The following FMN1 variants were observed in gnomAD, a reference collection of about 807,000 sequenced individuals.
FMN1 encodes formin 1.
FMN1 carries 110 observed loss-of-function variants against 132.4 expected under a neutral mutation model. The observed-to-expected ratio is 0.83, with a 90% CI of 0.71 to 0.97. The LOEUF (loss-of-function observed/expected upper bound fraction) is 0.97, where lower values mean the gene tolerates loss of function less well. Ranked by LOEUF, FMN1 falls within the 50% of genes least tolerant of loss-of-function variation. FMN1 has a pLI of 0.00. For synonymous variants in FMN1, 722 were observed against 651.7 expected, an observed-to-expected ratio of 1.11 and a Z score of -1.64; for missense variants, 1,792 against 1,705.3, an observed-to-expected ratio of 1.05 and a Z score of -0.90.
At chr15:32,851,510 G>A (rs1246466995) in intron 17 of FMN1, among the ~76,000 whole-genome samples, 1 of 152,118 alleles carries the variant, frequency 6.6e-6, no homozygotes, top group Non-Finnish European at 1.5e-5. Flanking sequence ...GCCTGCACAA[G>A]GTTATTCTGA....
At chr15:33,009,920 C>T (rs543552592) in intron 6 of FMN1, among the ~76,000 whole-genome samples, 15 of 146,940 alleles carry the variant, frequency 1.0e-4, no homozygotes, top group African/African-American at 3.6e-4. Context: ...TGGAGTTTCA[C>T]TCGTTTCCCA....
intron 4 of FMN1, among the ~76,000 whole-genome samples, chr15:33,091,762 G>A (rs1238564501): frequency 6.6e-6 from 1 of 151,996 alleles, no homozygotes. Flanking sequence ...TTATTAAAAT[G>A]GGTAATACCC....
At chr15:32,782,901 G>C (rs886100516) in intron 19 of FMN1, among the ~76,000 whole-genome samples, 1 of 152,144 alleles carries the variant, frequency 6.6e-6, no homozygotes, top group Non-Finnish European at 1.5e-5. Context: ...AACTCAGAAA[G>C]AGAAAATCAA....
At chr15:33,008,943 T>A (rs567053415) in intron 6 of FMN1, among the ~76,000 whole-genome samples, 1 of 152,200 alleles carries the variant, frequency 6.6e-6, no homozygotes, top group Non-Finnish European at 1.5e-5. Flanking sequence ...TTTGACCTCA[T>A]TGAAATATGT....
chr15:33,163,053 T>A (rs1230099566), intron 3 of FMN1, among the ~76,000 whole-genome samples: 1 of 151,332 alleles, frequency 6.6e-6, no homozygotes, highest in Non-Finnish European at 1.5e-5. Flanking sequence ...ACCCGGGAGG[T>A]GGAGGTTGCA....
intron 4 of FMN1, among the ~76,000 whole-genome samples, chr15:33,119,171 G>A (rs1962315469): frequency 6.6e-6 from 1 of 152,206 alleles, no homozygotes; most frequent in South Asian, 2.1e-4. Flanking sequence ...GATCTAGTTA[G>A]ATTCATCTCT....
intron 7 of FMN1, among the ~76,000 whole-genome samples, chr15:33,002,228 G>A (rs1017934743): frequency 2.6e-5 from 4 of 152,118 alleles, no homozygotes; most frequent in Admixed American, 6.5e-5. Flanking sequence ...ATTCTAGAAA[G>A]GCATGTTGAA....
chr15:33,080,002 C>G (rs2038385780), intron 5 of FMN1, among the ~76,000 whole-genome samples: 2 of 152,180 alleles, frequency 1.3e-5, no homozygotes, highest in African/African-American at 4.8e-5. Flanking sequence ...TTTTCTCTTA[C>G]ACATACACAC....
At chr15:32,792,118 C>T (rs1372732910) in intron 19 of FMN1, among the ~76,000 whole-genome samples, 1 of 151,722 alleles carries the variant, frequency 6.6e-6, no homozygotes, top group Non-Finnish European at 1.5e-5. Flanking sequence ...CAGAGAGACC[C>T]AATATATTAT....
chr15:32,797,519 A>C (rs1258744), intron 19 of FMN1, among the ~76,000 whole-genome samples: 4 of 152,194 alleles, frequency 2.6e-5, no homozygotes, highest in African/African-American at 7.2e-5. Context: ...CAGGGCAAGA[A>C]CTATGGGTTG....
At chr15:32,813,017 G>A (rs931915194) in intron 17 of FMN1, among the ~76,000 whole-genome samples, 1 of 152,224 alleles carries the variant, frequency 6.6e-6, no homozygotes, top group East Asian at 1.9e-4. Context: ...TTGTGTCTGT[G>A]CTGAACATAT....
intron 4 of FMN1, among the ~76,000 whole-genome samples, chr15:33,102,924 G>A (rs972098751): frequency 2.4e-4 from 36 of 152,074 alleles, no homozygotes; most frequent in Non-Finnish European, 2.9e-5. Context: ...GATGTCTCCA[G>A]TGGTTATTTT....
At chr15:33,019,658 G>A (rs1432241353) in intron 6 of FMN1, among the ~76,000 whole-genome samples, 1 of 152,220 alleles carries the variant, frequency 6.6e-6, no homozygotes, top group Non-Finnish European at 1.5e-5. Flanking sequence ...GACAAATCGA[G>A]CGCAGCACCA....
intron 3 of FMN1, among the ~76,000 whole-genome samples, chr15:33,165,340 T>A (rs1965055048): frequency 6.6e-6 from 1 of 152,264 alleles, no homozygotes; most frequent in South Asian, 2.1e-4. Context: ...TTAAGGAAGC[T>A]GCTCTTGAAC....
chr15:32,928,510 T>C (rs2061020895), intron 9 of FMN1, among the ~76,000 whole-genome samples: 1 of 152,216 alleles, frequency 6.6e-6, no homozygotes, highest in African/African-American at 2.4e-5. Flanking sequence ...GTGCCTGGCA[T>C]TGCTTTGTAT....
At chr15:32,884,840 A>G (rs2059856600) in intron 16 of FMN1, among the ~76,000 whole-genome samples, 1 of 152,242 alleles carries the variant, frequency 6.6e-6, no homozygotes, top group Non-Finnish European at 1.5e-5. Flanking sequence ...AATGTAGAGA[A>G]GCAAGCACAA....
Position 33,128,829 on chromosome 15 carries a change from C to A in FMN1, c.1867+24219G>T, listed in dbSNP as rs536888554. 3.3e-5 allele frequency among the ~76,000 whole-genome samples: 5 copies of A among 152,366 alleles called. No individual in the cohort carries two copies. The East Asian group carries it at 9.6e-4, about 29-fold the overall frequency. On this transcript the variant is annotated intron_variant, in intron 4 of 20. Transcript: ENST00000616417. ...TGTCACGAGCAAAATAACAAAGCCTCCGCAATGCGGAAGACAACCGGAGCA... is the reference window on the plus strand; with the variant it reads ...TGTCACGAGCAAAATAACAAAGCCTACGCAATGCGGAAGACAACCGGAGCA...
In FMN1 at chr15:33,051,683, C is replaced by G. The variant is rs965413576; in HGVS notation, c.2161+13274G>C. ...GGTATATGACCTTCCTCTAGAAACG[C>G]TTGACTGGTTAGGGAAAAATGCCTC... is the stretch of plus-strand genomic sequence containing the variant. On this transcript the variant is annotated intron_variant, in intron 6 of 20. Coordinates refer to ENST00000616417, the MANE Select transcript of FMN1 (RefSeq NM_001277313.2). Among the ~76,000 whole-genome samples, 54 of 152,284 alleles carry G rather than the reference C, an allele frequency of 3.5e-4. 1 individual carries two copies. The highest frequency in any genetic ancestry group is 1.5e-3 in the East Asian group (8 of 5,178).
chr15:32,810,469 T>C (rs868066031), intron 17 of FMN1, among the ~76,000 whole-genome samples: 1 of 152,200 alleles, frequency 6.6e-6, no homozygotes, highest in Non-Finnish European at 1.5e-5. Context: ...GAGGCACAAA[T>C]AGCATTAACC....
Sources: allele counts gnomAD v4.1 joint callset (sites outside exome capture counted in the v4.1 genomes callset), GRCh38; gene constraint gnomAD v4.1.1; transcripts MANE v1.5; gene names NCBI Gene and HGNC (gene_info 2026-07-23, HGNC 2026-07-21).